GADL1: variants seen among roughly 807,000 people sequenced by gnomAD.
GADL1 encodes acidic amino acid decarboxylase GADL1.
In GADL1, 71 loss-of-function variants were observed where a neutral mutation model predicts 69.5. That is an observed-to-expected ratio of 1.02 (90% CI 0.84 to 1.25). The LOEUF is 1.25. Among genes scored for constraint, GADL1 ranks in the 50% most tolerant of loss-of-function variants. The probability of loss-of-function intolerance (pLI) is 0.00; values close to 1 mark genes in which losing one functional copy is unlikely to be tolerated. For missense variants in GADL1, 737 were observed against 631.8 expected, an observed-to-expected ratio of 1.17 and a Z score of -1.79; for synonymous variants, 254 against 214.4, an observed-to-expected ratio of 1.18 and a Z score of -1.62.
intron 11 of GADL1, among the ~76,000 whole-genome samples, chr3:30,801,581 G>GA (rs1184776895): frequency 1.3e-5 from 2 of 152,158 alleles, no homozygotes; most frequent in Non-Finnish European, 2.9e-5. Flanking sequence ...AAGAGCTATG[G>GA]AAGAGGTAAA....
chr3:30,830,806 CAA>C (rs1697775212), intron 11 of GADL1, among the ~76,000 whole-genome samples: 1 of 151,884 alleles, frequency 6.6e-6, no homozygotes, highest in Non-Finnish European at 1.5e-5. Context: ...TTAAGAACCT[CAA>C]ATTTACTATG....
chr3:30,793,397 TTA>T (rs3043718), intron 12 of GADL1, among the ~76,000 whole-genome samples: 125,578 of 151,824 alleles, frequency 0.83, 52,209 homozygotes, highest in African/African-American at 0.9. Context: ...TAAACTAATC[TTA>T]TACATGGTGC....
intron 4 of GADL1, among the ~76,000 whole-genome samples, chr3:30,851,844 G>C (rs1698152379): frequency 6.6e-6 from 1 of 152,176 alleles, no homozygotes; most frequent in Middle Eastern, 3.4e-3. Context: ...TTGATCCCAA[G>C]GGTACTCCTT....
At chr3:30,758,510 TGA>T (rs1696036169) in intron 14 of GADL1, among the ~76,000 whole-genome samples, 1 of 151,196 alleles carries the variant, frequency 6.6e-6, no homozygotes, top group Non-Finnish European at 1.5e-5. Context: ...CAAAAAAACA[TGA>T]GATGGTAACT....
intron 11 of GADL1, among the ~76,000 whole-genome samples, chr3:30,816,538 T>TAA (rs1697474757): frequency 4.0e-5 from 2 of 50,562 alleles, no homozygotes; most frequent in African/African-American, 2.4e-4. Context: ...TTCTTTTTTT[T>TAA]TTTTTTTTTT....
intron 14 of GADL1, among the ~76,000 whole-genome samples, chr3:30,746,301 T>C (rs1450670887): frequency 6.6e-6 from 1 of 152,162 alleles, no homozygotes; most frequent in East Asian, 1.9e-4. Context: ...CCTCCATTTC[T>C]TCTCCATTGT....
rs1009199790 is a variant in GADL1 at position 30,753,764 on chromosome 3, C to G, written c.1392+24415G>C. Among the ~76,000 whole-genome samples the G allele has an allele frequency of 5.3e-5, 8 of 152,244 alleles. No homozygotes were observed. The South Asian group carries it at 1.5e-3, about 28-fold the overall frequency. On this transcript the variant is annotated intron_variant, in intron 14 of 14. Transcript: ENST00000282538. ...TTAATTTGCTTTTTAACTAAACTTA[C>G]AAATACATGTGTTCCTATGCAAGAT...
In GADL1 at chr3:30,760,027, C is replaced by T. The variant is rs148654818; in HGVS notation, c.1392+18152G>A. 1.8e-3 allele frequency among the ~76,000 whole-genome samples: 279 copies of T among 152,274 alleles called. 3 individuals carry two copies. Among genetic ancestry groups the T allele is most frequent in the African/African-American group, 6.3e-3 (262 of 41,554 alleles). ...CTACCTAATATCTCCTTTTTACCTG[C>T]AGATTCATGAGTGATAAATGCTTAT... On this transcript the variant is annotated intron_variant, in intron 14 of 14. Transcript: ENST00000282538.
chr3:30,757,118 G>A (rs1470745047), intron 14 of GADL1, among the ~76,000 whole-genome samples: 1 of 152,150 alleles, frequency 6.6e-6, no homozygotes, highest in African/African-American at 2.4e-5. Context: ...GATCTCAGTA[G>A]AAAGACTGCT....
intron 14 of GADL1, among the ~76,000 whole-genome samples, chr3:30,729,515 G>T (rs1190065499): frequency 2.6e-5 from 4 of 152,170 alleles, no homozygotes; most frequent in Non-Finnish European, 4.4e-5. Context: ...ACCAGGCAGA[G>T]TGTGCTTTTA....
intron 14 of GADL1, among the ~76,000 whole-genome samples, chr3:30,762,140 A>C (rs1696152382): frequency 6.6e-6 from 1 of 152,196 alleles, no homozygotes; most frequent in Non-Finnish European, 1.5e-5. Context: ...GAAAGTCTTT[A>C]CATAGTGGAA....
intron 2 of GADL1, 129 bp downstream of exon 2, chr3:30,861,464 T>C (rs1698319757): frequency 1.5e-6 from 1 of 660,428 alleles, no homozygotes; most frequent in Non-Finnish European, 2.6e-6. Context: ...TATCTGGACA[T>C]CCTTTTGAGA....
intron 11 of GADL1, among the ~76,000 whole-genome samples, chr3:30,801,299 T>C (rs1166393088): frequency 2.0e-5 from 3 of 152,084 alleles, no homozygotes; most frequent in Non-Finnish European, 4.4e-5. Flanking sequence ...GAGTTGACAA[T>C]GCTAAAATCC....
At chr3:30,890,117 TG>T (rs1344459672) in intron 1 of GADL1, among the ~76,000 whole-genome samples, 4 of 152,216 alleles carry the variant, frequency 2.6e-5, no homozygotes, top group South Asian at 4.1e-4. Flanking sequence ...GATATGTAAA[TG>T]GTTACTAATT....
At chr3:30,734,233 T>C (rs765051156) in intron 14 of GADL1, among the ~76,000 whole-genome samples, 1 of 152,214 alleles carries the variant, frequency 6.6e-6, no homozygotes, top group Non-Finnish European at 1.5e-5. Context: ...CCTTTTAGTT[T>C]CAATTTTTGT....
At chr3:30,881,968 C>A (rs1575247182) in intron 1 of GADL1, among the ~76,000 whole-genome samples, 1 of 151,728 alleles carries the variant, frequency 6.6e-6, no homozygotes, top group African/African-American at 2.4e-5. Flanking sequence ...AGATGTTGAC[C>A]CCTCAATCTT....
chr3:30,789,922 C>T (rs1313989756), intron 12 of GADL1, among the ~76,000 whole-genome samples: 1 of 152,178 alleles, frequency 6.6e-6, no homozygotes, highest in Admixed American at 6.5e-5. Flanking sequence ...CTACAACCTT[C>T]ATAGCAGCAA....
chr3:30,756,985 A>G (rs569466344), intron 14 of GADL1, among the ~76,000 whole-genome samples: 1 of 152,244 alleles, frequency 6.6e-6, no homozygotes, highest in South Asian at 2.1e-4. Context: ...TAAGTAGAAA[A>G]TGTGTGGGTC....
intron 14 of GADL1, among the ~76,000 whole-genome samples, chr3:30,747,304 G>A (rs1233119975): frequency 1.3e-5 from 2 of 152,192 alleles, no homozygotes; most frequent in South Asian, 4.1e-4. Flanking sequence ...GCTGCCTCCA[G>A]ACCTTAGACA....
Sources: gnomAD v4.1 joint callset for allele counts (sites outside exome capture counted in the v4.1 genomes callset) on GRCh38, gnomAD v4.1.1 for gene constraint, MANE v1.5 for transcripts, NCBI Gene and HGNC (gene_info 2026-07-23, HGNC 2026-07-21) for gene names.